UNC13D: variants seen among roughly 807,000 people sequenced by gnomAD.
UNC13D encodes the protein protein unc-13 homolog D.
Under a neutral mutation model 151.7 loss-of-function variants are expected in UNC13D, and 115 were observed. That is an observed-to-expected ratio of 0.76 (90% CI 0.65 to 0.88). UNC13D has a LOEUF of 0.88. Ranked by LOEUF, UNC13D falls within the 40% of genes least tolerant of loss-of-function variation. UNC13D has a pLI of 0.00. For missense variants in UNC13D, 1,369 were observed against 1,438.7 expected (o/e 0.95, Z 0.78); for synonymous variants, 588 against 612.2 (o/e 0.96, Z 0.58).
At chr17:75,843,554 G>C (rs756631005) in intron 1 of UNC13D, 35 bp from the exon 2 acceptor site, 1 of 1,607,516 alleles carries the variant, frequency 6.2e-7, no homozygotes, top group South Asian at 1.1e-5. Context: ...TGTCCCGGGA[G>C]GCCCAGAGCA....
Position 75,842,566 on chromosome 17 carries a change from C to T in UNC13D, c.436G>A (p.Val146Met). 6.2e-7 allele frequency: 1 copy of T among 1,611,552 alleles called. No individual in the cohort carries two copies. The highest frequency in any genetic ancestry group is 8.5e-7 in the Non-Finnish European group (1 of 1,179,050). Residue 146 changes from valine (V) to methionine (M), a missense_variant, in exon 6 of 32, where the codon GTG becomes ATG. Transcript: ENST00000207549. ...CLLGIEQGVGVPGGSPGSRHR... is the reference protein window; with the variant it reads ...CLLGIEQGVGMPGGSPGSRHR... ...CGGGACCCGGGGCTGCCCCCTGGCA[C>T]ACCTACCCCCTGCTCAATGCCCAGC...
At chr17:75,842,785 T>A in intron 5 of UNC13D, 72 bp downstream of exon 5, 1 of 1,604,288 alleles carries the variant, frequency 6.2e-7, no homozygotes, top group South Asian at 1.1e-5. Flanking sequence ...CCGCCAAGAG[T>A]CCTGGGCCAG....
Position 75,836,646 on chromosome 17 carries a change from GGA to G in UNC13D, c.1222_1223del (p.Ser408ProfsTer52). On this transcript the variant is annotated frameshift_variant, in exon 14 of 32. Transcript: ENST00000207549. LOFTEE classifies it high-confidence loss of function. ...SFSSLLTYGL[S>X]LIRRFRSVFP... ...AGACAGAGCGGAACCTCCGGATGAG[GGA>G]GAGGCCGTAGGTCAGCAGGGAGCTG... The G allele has an allele frequency of 6.2e-7, 1 of 1,613,776 alleles. No individual in the cohort carries two copies. The highest frequency in any genetic ancestry group is 2.2e-5 in the East Asian group (1 of 44,882).
chr17:75,828,746 G>A, intron 31 of UNC13D, 41 bp downstream of exon 31: 1 of 1,484,146 alleles, frequency 6.7e-7, no homozygotes, highest in African/African-American at 1.4e-5. Context: ...AGCTTTACAG[G>A]CTCCCGTCCC....
chr17:75,834,563 T>G (rs2064893693), intron 22 of UNC13D, 32 bp from the exon 23 acceptor site: 9 of 1,609,858 alleles, frequency 5.6e-6, no homozygotes, highest in Non-Finnish European at 7.6e-6. Context: ...TCCTGAACTG[T>G]GCCCAGGCTG....
At chr17:75,838,257 C>T (rs371220106) in intron 12 of UNC13D, among the ~76,000 whole-genome samples, 1 of 150,762 alleles carries the variant, frequency 6.6e-6, no homozygotes, top group Non-Finnish European at 1.5e-5. Context: ...CTCGCTGTGT[C>T]GCCCAGGCTG....
At position 75,829,595 on chromosome 17, in the gene UNC13D, C is replaced by CT. The variant is rs140737868; in HGVS notation, c.2954+432dup. The CT allele has an allele frequency of 2.8e-3, 268 of 96,568 alleles. 3 individuals carry two copies. The highest frequency in any genetic ancestry group is 3.7e-3 in the Admixed American group (34 of 9,164). The allele number at this position is 96,568 out of a possible 1,614,324, so 6.0% of individuals were successfully genotyped here. Reference sequence around the variant, plus strand: ...GGCATGAGCCACCACGCCTGGCCCTCTTTTTTTTTTTTTTTTTTTTTGAGA... The same window carrying CT: ...GGCATGAGCCACCACGCCTGGCCCTCTTTTTTTTTTTTTTTTTTTTTTGAGA... On this transcript the variant is annotated intron_variant, in intron 30 of 31. Transcript: ENST00000207549.
intron 6 of UNC13D, 72 bp from the exon 7 acceptor site, chr17:75,841,073 C>T: frequency 6.4e-7 from 1 of 1,573,910 alleles, no homozygotes; most frequent in East Asian, 2.2e-5. Context: ...TAAGTGACCA[C>T]AGCCCAGAGC....
At position 75,842,504 on chromosome 17, in the gene UNC13D, G is replaced by A. The variant is rs201410236; in HGVS notation, c.498C>T (p.Pro166=). ...CCTGCGTGCGGTGGGTCTCCTCCTCGGGGATGGTGTGCCTCACCACAGCCT... is the reference window on the plus strand; with the variant it reads ...CCTGCGTGCGGTGGGTCTCCTCCTCAGGGATGGTGTGCCTCACCACAGCCT... The part of the protein sequence containing the change: ...RQKAVVRHTI[P]EEETHRTQVI... The change falls in exon 6 of 32, where the codon CCC becomes CCT. Residue 166 remains proline, a synonymous_variant. Coordinates refer to ENST00000207549, the MANE Select transcript of UNC13D (RefSeq NM_199242.3). 21 of 1,613,308 alleles carry A rather than the reference G, an allele frequency of 1.3e-5. No homozygotes were observed. The highest frequency in any genetic ancestry group is 4.5e-5 in the East Asian group (2 of 44,886).
At position 75,842,852 on chromosome 17, in the gene UNC13D, C is replaced by T; in HGVS notation, c.388+5G>A. 1 of 1,613,688 alleles carries T rather than the reference C, an allele frequency of 6.2e-7. No homozygotes were observed. ...AGCCCCTTGGGGACCCCACCCCATG[C>T]TCACCACTGACATCTTTGCCCAGAA... is the stretch of plus-strand genomic sequence containing the variant. On this transcript the variant is annotated splice_donor_5th_base_variant and intron_variant, in intron 5 of 31. Transcript: ENST00000207549.
At chr17:75,837,988 G>C (rs1200908940) in intron 12 of UNC13D, among the ~76,000 whole-genome samples, 1 of 152,076 alleles carries the variant, frequency 6.6e-6, no homozygotes, top group African/African-American at 2.4e-5. Context: ...AGGCAAACCA[G>C]GTCCCTCCCC....
In UNC13D at chr17:75,839,932, G is replaced by T. The variant is rs372716881; in HGVS notation, c.962C>A (p.Thr321Asn). 3.7e-5 allele frequency: 60 copies of T among 1,613,650 alleles called. No homozygotes were observed. Among genetic ancestry groups the T allele is most frequent in the Non-Finnish European group, 4.7e-5 (55 of 1,180,004 alleles). Reference protein sequence around the residue: ...HEVTQHEAGSTSWDGSLSPQA... With the variant: ...HEVTQHEAGSNSWDGSLSPQA... ...GGGACTCAGCGACCCGTCCCAGGAG[G>T]TGCTTCCCGCCTGAGGGGAGCAGGT... The change falls in exon 12 of 32, where the codon ACC becomes AAC. Residue 321 changes from threonine (T) to asparagine (N), a missense_variant. Physicochemically the swap from Thr to Asn is moderately conservative, Grantham distance 65 (BLOSUM62 0). Coordinates refer to ENST00000207549, the MANE Select transcript of UNC13D (RefSeq NM_199242.3).
intron 29 of UNC13D, 88 bp downstream of exon 29, chr17:75,830,274 C>G (rs2064861411): frequency 6.4e-7 from 1 of 1,561,050 alleles, no homozygotes; most frequent in Non-Finnish European, 8.7e-7. Context: ...CCCAGAGCTC[C>G]TGCAGGGTGA....
intron 31 of UNC13D, among the ~76,000 whole-genome samples, chr17:75,828,315 C>T (rs2062138255): frequency 6.6e-6 from 1 of 152,198 alleles, no homozygotes; most frequent in African/African-American, 2.4e-5. Context: ...CTGACTGCAG[C>T]GAGGGGCTGA....
chr17:75,840,310 T>A lies in UNC13D; in HGVS notation c.773A>T (p.Asp258Val), dbSNP rs1476118095. 8 of 1,613,706 alleles carry A rather than the reference T, an allele frequency of 5.0e-6. No individual in the cohort carries two copies. Among genetic ancestry groups the A allele is most frequent in the Non-Finnish European group, 6.8e-6 (8 of 1,179,990 alleles). Reference sequence around the variant, plus strand: ...GCGGGGTTCCAGGGGGTACCACTGGTCCTCTCGGCAGCGCAGGTCCTGACA... The same window carrying A: ...GCGGGGTTCCAGGGGGTACCACTGGACCTCTCGGCAGCGCAGGTCCTGACA... ...LRLQDLRCRE[D>V]QWYPLEPRTE... The change falls in exon 10 of 32, where the codon GAC becomes GTC. Residue 258 changes from aspartate to valine, a missense_variant. Asp to Val is a radical substitution (Grantham distance 152). This residue lies in a region of UNC13D where 550 missense variants were observed against 609.0 expected (regional missense o/e 0.90). Transcript: ENST00000207549. This position sits in a 1 kb window ranked among gnomAD's most constrained non-coding sequence, Gnocchi z 4.6.
intron 6 of UNC13D, among the ~76,000 whole-genome samples, chr17:75,841,442 C>CTT (rs145752081): frequency 0.072 from 7,927 of 110,330 alleles, 523 homozygotes; most frequent in Non-Finnish European, 0.1. Flanking sequence ...CGCGCCCAGC[C>CTT]TTTTTTTTTT....
In UNC13D at chr17:75,835,040, G is replaced by A. The variant is rs1209773054; in HGVS notation, c.1872C>T (p.Thr624=). ...MDELVPLGEL[T]KHSTSAVDLS... Reference sequence around the variant, plus strand: ...GATCCACCGCTGATGTGCTGTGCTTGGTCAGTTCACCCAGGGGCACCAGCT... The same window carrying A: ...GATCCACCGCTGATGTGCTGTGCTTAGTCAGTTCACCCAGGGGCACCAGCT... Residue 624 remains threonine, a synonymous_variant, in exon 21 of 32, where the codon ACC becomes ACT. Coordinates refer to ENST00000207549, the MANE Select transcript of UNC13D (RefSeq NM_199242.3). 1.2e-6 allele frequency: 2 copies of A among 1,613,944 alleles called. No homozygotes were observed. Among genetic ancestry groups the A allele is most frequent in the South Asian group, 1.1e-5 (1 of 91,076 alleles).
rs1233159871 is a variant in UNC13D at position 75,843,233 on chromosome 17, CAG to C, written c.185_186del (p.Thr62SerfsTer9). 2.5e-6 allele frequency: 4 copies of C among 1,610,750 alleles called. No homozygotes were observed. The highest frequency in any genetic ancestry group is 3.4e-6 in the Non-Finnish European group (4 of 1,179,964). On this transcript the variant is annotated frameshift_variant, in exon 3 of 32. Transcript: ENST00000207549. LOFTEE classifies it high-confidence loss of function. ...RALLYEDALY[T>X]VLHRLGHPEP... ...TCAGGATGACCCAGGCGGTGCAAGACAGTGTAGAGTGCGTCCTCGTAGAGCAG... is the reference window on the plus strand; with the variant it reads ...TCAGGATGACCCAGGCGGTGCAAGACTGTAGAGTGCGTCCTCGTAGAGCAG...
intron 25 of UNC13D, 116 bp from the exon 26 acceptor site, chr17:75,831,464 C>A (rs1187503418): frequency 1.1e-6 from 1 of 946,036 alleles, no homozygotes; most frequent in Admixed American, 2.2e-5. Flanking sequence ...CCCAGCTCCT[C>A]CCACCCCCAA....
Sources: allele counts gnomAD v4.1 joint callset (sites outside exome capture counted in the v4.1 genomes callset), GRCh38; gene constraint gnomAD v4.1.1; regional missense constraint gnomAD v4.1.1; non-coding constraint Gnocchi (gnomAD v3.1); transcripts MANE v1.5; gene names NCBI Gene and HGNC (gene_info 2026-07-23, HGNC 2026-07-21).